SPIN2A: variants seen among roughly 807,000 people sequenced by gnomAD.
SPIN2A encodes the protein spindlin-2A.
Under a neutral mutation model 9.2 loss-of-function variants are expected in SPIN2A, and 4 were observed. That is an observed-to-expected ratio of 0.44 (90% CI 0.21 to 1.00). The LOEUF is 1.00. Ranked by LOEUF, SPIN2A falls within the 50% of genes least tolerant of loss-of-function variation. The pLI is 0.26. For missense variants in SPIN2A, 77 were observed against 172.8 expected (o/e 0.45, Z 3.11); for synonymous variants, 25 against 61.2 (o/e 0.41, Z 2.76).
chrX:57,146,966 C>A, the SPIN2A span, among the ~76,000 whole-genome samples: 1 of 111,495 alleles, frequency 9.0e-6, no homozygotes, highest in Non-Finnish European at 1.9e-5. Context: ...ACTTGGTTAG[C>A]TAGCATTTTG....
Position 57,136,902 on chromosome X carries a change from A to G in SPIN2A, c.-5-300T>C, listed in dbSNP as rs763568069. Reference sequence around the variant, plus strand: ...CCTCCCTTTACCCTTTACTGCCACTAGCATCCACTCCCAATCCCCTGCAAA... The same window carrying G: ...CCTCCCTTTACCCTTTACTGCCACTGGCATCCACTCCCAATCCCCTGCAAA... On this transcript the variant is annotated intron_variant, in intron 1 of 1. Transcript: ENST00000374906. The G allele has an allele frequency of 1.7e-5, 12 of 687,737 alleles. 2 individuals are homozygous for G. The South Asian group carries it at 3.1e-4, about 18-fold the overall frequency. 56.7% of individuals were successfully genotyped at this position (687,737 alleles called of 1,213,427 possible). A position where few individuals can be genotyped will look rare whatever the true frequency, so the allele number is the denominator to read the frequency against.
upstream of SPIN2A, among the ~76,000 whole-genome samples, chrX:57,141,369 T>A (rs1927998445): frequency 8.9e-6 from 1 of 112,330 alleles, no homozygotes. Context: ...GCATGTATAT[T>A]TATTGGTAAT....
In SPIN2A at chrX:57,136,158, C is replaced by T. The variant is rs1927724506; in HGVS notation, c.440G>A (p.Trp147Ter). ...FEGEHGSKDEWRGMVLAQAPI... is the reference protein window; with the variant it reads ...FEGEHGSKDE Reference sequence around the variant, plus strand: ...TGCTTGAGCTAAGACCATCCCCCTCCATTCATCCTTAGAACCATGCTCTCC... The same window carrying T: ...TGCTTGAGCTAAGACCATCCCCCTCTATTCATCCTTAGAACCATGCTCTCC... The change falls in exon 2 of 2, where the codon TGG becomes TAG. Residue 147 changes from tryptophan to a stop codon, truncating the protein, a stop_gained. Coordinates refer to ENST00000374906, the MANE Select transcript of SPIN2A (RefSeq NM_019003.5). LOFTEE classifies it high-confidence loss of function. 1 of 1,210,782 alleles carries T rather than the reference C, an allele frequency of 8.3e-7. No homozygotes were observed. Among genetic ancestry groups the T allele is most frequent in the African/African-American group, 1.7e-5 (1 of 57,435 alleles).
At chrX:57,140,511 C>T (rs767518125), upstream of SPIN2A, among the ~76,000 whole-genome samples, 17 of 103,276 alleles carry the variant, frequency 1.6e-4, no homozygotes, top group South Asian at 6.9e-3. Flanking sequence ...AGGAGAATGG[C>T]GTGAACCCGG....
At chrX:57,140,169 C>T (rs911392535), upstream of SPIN2A, among the ~76,000 whole-genome samples, 1 of 110,913 alleles carries the variant, frequency 9.0e-6, no homozygotes, top group African/African-American at 3.3e-5. Flanking sequence ...GGCATTTGTG[C>T]TACTGATTTT....
At chrX:57,141,609 ACCTATTATTGGT>A (rs1396447586), upstream of SPIN2A, among the ~76,000 whole-genome samples, 1 of 111,071 alleles carries the variant, frequency 9.0e-6, no homozygotes, top group Non-Finnish European at 1.9e-5. Context: ...CTATCTCATT[ACCTATTATTGGT>A]CCGTTCAGGT....
upstream of SPIN2A, among the ~76,000 whole-genome samples, chrX:57,139,075 T>C (rs1927926106): frequency 8.9e-6 from 1 of 112,438 alleles, no homozygotes; most frequent in Non-Finnish European, 1.9e-5. Flanking sequence ...TGATTTCACT[T>C]GCCCATTTTT....
chrX:57,145,056 T>C, the SPIN2A span, among the ~76,000 whole-genome samples: 6 of 111,336 alleles, frequency 5.4e-5, no homozygotes, highest in African/African-American at 2.0e-4. Flanking sequence ...CTTTTTTGTA[T>C]AATGACTTTT....
upstream of SPIN2A, among the ~76,000 whole-genome samples, chrX:57,139,533 G>A (rs762578300): frequency 8.1e-5 from 9 of 110,997 alleles, no homozygotes; most frequent in South Asian, 2.7e-3. Context: ...GGCTCACTGC[G>A]AGCTCCTTCT....
chrX:57,137,434 C>G (rs1036390025), upstream of SPIN2A: 8 of 669,951 alleles, frequency 1.2e-5, no homozygotes, highest in East Asian at 1.6e-4. Context: ...GCTCGCTGGC[C>G]GTCTACCTCC....
chrX:57,137,022 T>C (rs901695651), intron 1 of SPIN2A: 40 of 834,573 alleles, frequency 4.8e-5, no homozygotes, highest in African/African-American at 1.1e-4. Flanking sequence ...CCCTGTTACC[T>C]ACCTCCCTTG....
downstream of SPIN2A, chrX:57,135,524 T>A: frequency 5.5e-6 from 2 of 364,555 alleles, no homozygotes; most frequent in Non-Finnish European, 9.2e-6. Flanking sequence ...CATTTTTAAA[T>A]GACTGATTAT....
downstream of SPIN2A, chrX:57,135,521 A>C: frequency 2.8e-6 from 1 of 361,682 alleles, no homozygotes; most frequent in Non-Finnish European, 4.6e-6. Context: ...TGCCATTTTT[A>C]AATGACTGAT....
chrX:57,146,900 T>C, the SPIN2A span, among the ~76,000 whole-genome samples: 1 of 111,980 alleles, frequency 8.9e-6, no homozygotes, highest in South Asian at 3.7e-4. Context: ...CATCCCTGAT[T>C]CCCTAGTATG....
rs1927679208 is a variant in SPIN2A at position 57,135,707 on chromosome X, A to T, written c.*114T>A. 8.9e-7 allele frequency: 1 copy of T among 1,124,476 alleles called. No individual in the cohort carries two copies. Among genetic ancestry groups the T allele is most frequent in the Non-Finnish European group, 1.2e-6 (1 of 851,377 alleles). The allele number at this position is 1,124,476 out of a possible 1,213,427, so 92.7% of individuals were successfully genotyped here. A position where few individuals can be genotyped will look rare whatever the true frequency, so the allele number is the denominator to read the frequency against. Reference sequence around the variant, plus strand: ...AAAACAACAGTTAATGCTGGCAAAGATGTTTAGTTATCAGGGATTCCATAA... The same window carrying T: ...AAAACAACAGTTAATGCTGGCAAAGTTGTTTAGTTATCAGGGATTCCATAA... On this transcript the variant is annotated 3_prime_UTR_variant, in exon 2 of 2. Transcript: ENST00000374906.
chrX:57,142,196 G>A (rs1314879973), upstream of SPIN2A, among the ~76,000 whole-genome samples: 1 of 111,441 alleles, frequency 9.0e-6, no homozygotes, highest in Non-Finnish European at 1.9e-5. Flanking sequence ...GCATTTTTAG[G>A]TTGTTTATTT....
upstream of SPIN2A, among the ~76,000 whole-genome samples, chrX:57,139,500 C>T (rs1434127147): frequency 9.0e-6 from 1 of 111,517 alleles, no homozygotes; most frequent in Non-Finnish European, 1.9e-5. Context: ...TCTTGCTCAG[C>T]TGGAGTGCAG....
upstream of SPIN2A, among the ~76,000 whole-genome samples, chrX:57,139,800 G>C (rs758477652): frequency 1.3e-4 from 15 of 111,670 alleles, no homozygotes; most frequent in African/African-American, 4.9e-4. Context: ...TGATGCCCCA[G>C]CTTAGTTCTT....
At chrX:57,138,414 A>G (rs1927900408), upstream of SPIN2A, among the ~76,000 whole-genome samples, 1 of 109,528 alleles carries the variant, frequency 9.1e-6, no homozygotes. Flanking sequence ...GTGGAATAAT[A>G]TTTTATTATA....
Sources: gnomAD v4.1 joint callset for allele counts (sites outside exome capture counted in the v4.1 genomes callset) on GRCh38, gnomAD v4.1.1 for gene constraint, MANE v1.5 for transcripts, NCBI Gene and HGNC (gene_info 2026-07-23, HGNC 2026-07-21) for gene names.